The following SMAD6 variants were observed in gnomAD, a reference collection of about 807,000 sequenced individuals.
SMAD6 encodes the protein MAD homolog 6.
Under a neutral mutation model 39.4 loss-of-function variants are expected in SMAD6, and 103 were observed. The ratio of observed to expected loss-of-function variants is 2.62; its 90% CI spans 2.23 to 3.08. SMAD6 has a LOEUF of 3.08. Among genes scored for constraint, SMAD6 ranks in the 30% most tolerant of loss-of-function variants. The pLI is 0.00. For missense variants in SMAD6, 1,104 were observed against 742.9 expected, an observed-to-expected ratio of 1.49 and a Z score of -5.65; for synonymous variants, 445 against 353.3, an observed-to-expected ratio of 1.26 and a Z score of -2.91.
intron 3 of SMAD6, among the ~76,000 whole-genome samples, chr15:66,775,310 G>A: frequency 6.6e-6 from 1 of 152,166 alleles, no homozygotes; most frequent in Non-Finnish European, 1.5e-5. Flanking sequence ...TCGGTAGCTT[G>A]TTCCTTTTTC....
chr15:66,741,906 C>T (rs1357854605), intron 3 of SMAD6, among the ~76,000 whole-genome samples: 2 of 152,160 alleles, frequency 1.3e-5, no homozygotes, highest in African/African-American at 2.4e-5. Flanking sequence ...GCTGCAAGGC[C>T]GCTCTCCTGG....
chr15:66,776,593 G>T (rs1441810223), intron 3 of SMAD6, among the ~76,000 whole-genome samples: 2 of 152,192 alleles, frequency 1.3e-5, no homozygotes, highest in Non-Finnish European at 2.9e-5. Flanking sequence ...CCCTAGGTCT[G>T]CCACCTGCTG....
chr15:66,781,564 G>C lies in SMAD6; in HGVS notation c.*29G>C. 7.1e-7 allele frequency: 1 copy of C among 1,407,022 alleles called. No individual in the cohort carries two copies. Among genetic ancestry groups the C allele is most frequent in the Non-Finnish European group, 9.4e-7 (1 of 1,066,026 alleles). 87.2% of individuals were successfully genotyped at this position (1,407,022 alleles called of 1,614,324 possible). On this transcript the variant is annotated 3_prime_UTR_variant, in exon 4 of 4. Transcript: ENST00000288840. The stretch of plus-strand genomic sequence containing the variant: ...CGGCCCCGGCGGGAGGGGCGGGTGG[G>C]AGGCCGCGGCCACCGCCACCTGCCG...
At chr15:66,709,824 C>T (rs147847439) in intron 1 of SMAD6, among the ~76,000 whole-genome samples, 171 of 152,336 alleles carry the variant, frequency 1.1e-3, no homozygotes, top group South Asian at 5.2e-3. Flanking sequence ...CTGTGGAACT[C>T]CAGCCCTTCC....
intron 3 of SMAD6, among the ~76,000 whole-genome samples, chr15:66,759,965 C>A (rs895552113): frequency 5.3e-5 from 8 of 152,174 alleles, no homozygotes; most frequent in African/African-American, 1.9e-4. Context: ...GGTCCCCAGG[C>A]GGCCTCTGCA....
intron 3 of SMAD6, among the ~76,000 whole-genome samples, chr15:66,719,577 A>G (rs1893395018): frequency 6.6e-6 from 1 of 152,228 alleles, no homozygotes; most frequent in African/African-American, 2.4e-5. Context: ...AGACTGCCCT[A>G]GTTTGTCTCG....
intron 3 of SMAD6, among the ~76,000 whole-genome samples, chr15:66,757,453 G>A (rs543537828): frequency 6.6e-6 from 1 of 152,158 alleles, no homozygotes; most frequent in Non-Finnish European, 1.5e-5. Flanking sequence ...TTTAGCCCAG[G>A]GGAGTGAGCA....
intron 3 of SMAD6, among the ~76,000 whole-genome samples, chr15:66,734,737 C>T (rs758765161): frequency 1.3e-5 from 2 of 152,132 alleles, no homozygotes; most frequent in Non-Finnish European, 2.9e-5. Flanking sequence ...AGGTAGACGG[C>T]TTCCATTTAG....
intron 3 of SMAD6, among the ~76,000 whole-genome samples, chr15:66,734,594 A>T (rs1441193281): frequency 6.6e-6 from 1 of 152,194 alleles, no homozygotes; most frequent in African/African-American, 2.4e-5. Flanking sequence ...CATTTTACAG[A>T]TAAAGAAACT....
intron 3 of SMAD6, among the ~76,000 whole-genome samples, chr15:66,746,250 C>T (rs2066205767): frequency 6.6e-6 from 1 of 152,234 alleles, no homozygotes; most frequent in Non-Finnish European, 1.5e-5. Flanking sequence ...CCTATTAATC[C>T]TTTGTGAAGC....
chr15:66,768,814 T>C (rs1894332683), intron 3 of SMAD6, among the ~76,000 whole-genome samples: 2 of 152,240 alleles, frequency 1.3e-5, no homozygotes, highest in South Asian at 4.1e-4. Context: ...AGTTTTCATA[T>C]TCAGCTCTGC....
chr15:66,756,372 A>C (rs1235647161), intron 3 of SMAD6, among the ~76,000 whole-genome samples: 1 of 152,090 alleles, frequency 6.6e-6, no homozygotes, highest in East Asian at 1.9e-4. Flanking sequence ...CCTTTCTTTC[A>C]GAATTTTTGC....
chr15:66,756,240 A>AG (rs1228853015), intron 3 of SMAD6, among the ~76,000 whole-genome samples: 1 of 151,764 alleles, frequency 6.6e-6, no homozygotes, highest in African/African-American at 2.4e-5. Flanking sequence ...GCCCTTTAAA[A>AG]AAATTTTTTT....
intron 3 of SMAD6, among the ~76,000 whole-genome samples, chr15:66,750,069 T>C (rs1893975177): frequency 6.6e-6 from 1 of 152,130 alleles, no homozygotes; most frequent in Non-Finnish European, 1.5e-5. Flanking sequence ...AGTGGCCCTG[T>C]ATCGATTGCC....
intron 3 of SMAD6, among the ~76,000 whole-genome samples, chr15:66,773,341 T>C (rs1894411088): frequency 6.6e-6 from 1 of 152,150 alleles, no homozygotes; most frequent in Admixed American, 6.5e-5. Context: ...TACACATTCC[T>C]TCTCTGCTTT....
chr15:66,745,574 G>C (rs1893893251), intron 3 of SMAD6, among the ~76,000 whole-genome samples: 1 of 152,222 alleles, frequency 6.6e-6, no homozygotes, highest in Non-Finnish European at 1.5e-5. Flanking sequence ...CATCTTAGAT[G>C]TTCTTTGTAT....
intron 3 of SMAD6, among the ~76,000 whole-genome samples, chr15:66,718,094 G>A (rs1228737153): frequency 6.8e-6 from 1 of 147,970 alleles, no homozygotes; most frequent in Non-Finnish European, 1.5e-5. Flanking sequence ...TCTCCCTATT[G>A]TTAATGATGG....
chr15:66,708,411 C>T (rs1321378783), intron 1 of SMAD6: 2 of 218,768 alleles, frequency 9.1e-6, no homozygotes, highest in Non-Finnish European at 1.9e-5. Flanking sequence ...CCCTGGGGCT[C>T]CACCAGTCCA....
chr15:66,728,641 G>A (rs1893567034), intron 3 of SMAD6, among the ~76,000 whole-genome samples: 1 of 152,092 alleles, frequency 6.6e-6, no homozygotes, highest in Non-Finnish European at 1.5e-5. Context: ...TCCTGACCTC[G>A]TGATCTGCCC....
Sources: gnomAD v4.1 joint callset for allele counts (sites outside exome capture counted in the v4.1 genomes callset) on GRCh38, gnomAD v4.1.1 for gene constraint, MANE v1.5 for transcripts, NCBI Gene and HGNC (gene_info 2026-07-23, HGNC 2026-07-21) for gene names.